Variants in TG observed in about 807,000 individuals in gnomAD.
TG encodes thyroglobulin.
Under a neutral mutation model 324.7 loss-of-function variants are expected in TG, and 270 were observed. The ratio of observed to expected loss-of-function variants is 0.83; its 90% confidence interval spans 0.75 to 0.92. The LOEUF is 0.92. Ranked by LOEUF, TG falls within the 40% of genes least tolerant of loss-of-function variation. The probability of loss-of-function intolerance (pLI) is 0.00; values close to 1 mark genes in which losing one functional copy is unlikely to be tolerated. For synonymous variants in TG, 1,401 were observed against 1,327.0 expected, an observed-to-expected ratio of 1.06 and a Z score of -1.21; for missense variants, 3,591 against 3,456.4, an observed-to-expected ratio of 1.04 and a Z score of -0.98.
In TG at chr8:133,029,922, G is replaced by A. The variant is rs369236885; in HGVS notation, c.7138G>A (p.Val2380Met). Residue 2380 changes from valine (V) to methionine (M), a missense_variant, in exon 41 of 48, where the codon GTG (valine) becomes ATG (methionine). Transcript: ENST00000220616. ...AGGATTTGGCGGGGACCCTCGGCGC[G>A]TGTCCCTGGCAGCAGACCGTGGCGG... ...IRGFGGDPRR[V>M]SLAADRGGAD... is the part of the protein sequence containing the mutation. The A allele has an allele frequency of 5.9e-5, 96 of 1,614,070 alleles. No individual in the cohort carries two copies. Among genetic ancestry groups the A allele is most frequent in the East Asian group, 1.3e-4 (6 of 44,896 alleles).
chr8:132,872,975 C>T, intron 4 of TG, 87 bp from the exon 5 acceptor site: 1 of 1,426,010 alleles, frequency 7.0e-7, no homozygotes, highest in South Asian at 1.2e-5. Context: ...ATCCCCATTG[C>T]TAAGGGACAC....
At chr8:132,945,116 T>G (rs1825049598) in intron 26 of TG, among the ~76,000 whole-genome samples, 1 of 152,200 alleles carries the variant, frequency 6.6e-6, no homozygotes, top group African/African-American at 2.4e-5. Context: ...TGATCAGATT[T>G]GAACTTTGAC....
chr8:133,023,266 C>T (rs1835715907), intron 40 of TG, among the ~76,000 whole-genome samples: 1 of 152,172 alleles, frequency 6.6e-6, no homozygotes, highest in Non-Finnish European at 1.5e-5. Context: ...AGACAAATAA[C>T]AACCAGATGT....
intron 41 of TG, chr8:133,040,157 A>G: frequency 1.3e-6 from 2 of 1,572,048 alleles, no homozygotes; most frequent in Non-Finnish European, 8.6e-7. Flanking sequence ...ACAGCCGGTC[A>G]GGGACCCTGG....
chr8:133,053,053 G>A (rs962569364), intron 41 of TG, among the ~76,000 whole-genome samples: 5 of 152,152 alleles, frequency 3.3e-5, no homozygotes, highest in Admixed American at 3.3e-4. Flanking sequence ...CAACTTGCCA[G>A]GCACCCTGGT....
At chr8:132,961,345 C>A (rs554084076) in intron 28 of TG, among the ~76,000 whole-genome samples, 76 of 152,280 alleles carry the variant, frequency 5.0e-4, no homozygotes, top group African/African-American at 1.7e-3. Context: ...CCACAAGACA[C>A]CCTTGTTCCT....
At position 132,972,725 on chromosome 8, in the gene TG, A is replaced by G. The variant is rs140029414; in HGVS notation, c.6183A>G (p.Gly2061=). The G allele has an allele frequency of 6.7e-5, 108 of 1,614,058 alleles. 1 individual carries two copies. In the African/African-American group the frequency reaches 1.3e-3, roughly 20 times the overall value. The part of the protein sequence containing the change: ...PDIEVHTYPF[G]WYQKPIAQNN... Reference sequence around the variant, plus strand: ...TTGAAGTCCACACCTATCCCTTCGGATGGTACCAGAAGCCCAGTAAGTACC... The same window carrying G: ...TTGAAGTCCACACCTATCCCTTCGGGTGGTACCAGAAGCCCAGTAAGTACC... Residue 2061 remains glycine (G), a synonymous_variant, in exon 34 of 48, where the codon GGA becomes GGG. Coordinates refer to ENST00000220616, the MANE Select transcript of TG (RefSeq NM_003235.5).
Position 133,093,141 on chromosome 8 carries a change from T to TTTCTTTTC in TG, c.7240-1901_7240-1900insCTTTTCTT, listed in dbSNP as rs5895175. ...TGTGTTTTCTTTTCTTTTCTTTTCT[T>TTTCTTTTC]TTTTTTTTTTAATTTAAAGTACATC... On this transcript the variant is annotated intron_variant, in intron 41 of 47. Transcript: ENST00000220616. Among the ~76,000 whole-genome samples, 96 of 116,392 alleles carry TTTCTTTTC rather than the reference T, an allele frequency of 8.2e-4. 1 individual carries two copies. The highest frequency in any genetic ancestry group is 4.2e-3 in the East Asian group (21 of 4,976). The allele number at this position is 116,392 out of a possible 152,430, so 76.4% of individuals were successfully genotyped here. A position where few individuals can be genotyped will look rare whatever the true frequency, so the allele number is the denominator to read the frequency against.
In TG at chr8:133,131,868, A is replaced by G. The variant is rs953351224; in HGVS notation, c.7919A>G (p.Tyr2640Cys). ...TTGGGGCTTCCCTTCTACCCAGCCT[A>G]CGAGGGGCAGTTTTCTCTGGAGGAG... ...FALGLPFYPA[Y>C]EGQFSLEEKS... is the part of the protein sequence containing the mutation. Residue 2640 changes from tyrosine (Y) to cysteine (C), a missense_variant, in exon 46 of 48, where the codon TAC (tyrosine) becomes TGC (cysteine). Transcript: ENST00000220616. 1.2e-6 allele frequency: 2 copies of G among 1,614,148 alleles called. No individual in the cohort carries two copies. Among genetic ancestry groups the G allele is most frequent in the African/African-American group, 1.3e-5 (1 of 75,034 alleles).
chr8:133,118,320 CTTTTTTTTT>C (rs34171048), intron 45 of TG, among the ~76,000 whole-genome samples: 2 of 88,978 alleles, frequency 2.2e-5, no homozygotes, highest in Non-Finnish European at 4.4e-5. Context: ...CAGATTCTTC[CTTTTTTTTT>C]TTTTTTTTTT....
intron 35 of TG, among the ~76,000 whole-genome samples, chr8:132,991,580 A>T (rs1832337286): frequency 6.6e-6 from 1 of 152,158 alleles, no homozygotes; most frequent in Non-Finnish European, 1.5e-5. Context: ...CATGGTGCAT[A>T]CCCTGTCACT....
chr8:133,046,008 G>A (rs921555091), intron 41 of TG, among the ~76,000 whole-genome samples: 1 of 152,152 alleles, frequency 6.6e-6, no homozygotes, highest in African/African-American at 2.4e-5. Flanking sequence ...CTGGGTATCC[G>A]TAAGAACCAC....
intron 40 of TG, among the ~76,000 whole-genome samples, chr8:133,022,758 G>A (rs1047256666): frequency 1.6e-4 from 25 of 152,102 alleles, no homozygotes; most frequent in African/African-American, 5.6e-4. Flanking sequence ...CTCCATCCAC[G>A]TCTTTTCCTC....
At chr8:132,992,606 C>T (rs1420833456) in intron 35 of TG, among the ~76,000 whole-genome samples, 1 of 152,196 alleles carries the variant, frequency 6.6e-6, no homozygotes, top group Non-Finnish European at 1.5e-5. Flanking sequence ...TATATAGACA[C>T]TGTGGAGGGT....
At chr8:133,017,563 A>C in intron 37 of TG, 1 of 601,740 alleles carries the variant, frequency 1.7e-6, no homozygotes, top group South Asian at 1.9e-5. Context: ...TTTGGTGCCT[A>C]ATAAAGATCA....
rs16904809 is a variant in TG at position 133,045,822 on chromosome 8, G to A, written c.7239+15799G>A. Among the ~76,000 whole-genome samples, 1,479 of 151,186 alleles carry A rather than the reference G, an allele frequency of 9.8e-3. 31 individuals carry two copies. Among genetic ancestry groups the A allele is most frequent in the African/African-American group, 0.034 (1,411 of 41,274 alleles). Reference sequence around the variant, plus strand: ...CATGGTCGTTTTTGGACTCCTTCCCGAGTACTCTCCAAGATGTGATCCCTA... The same window carrying A: ...CATGGTCGTTTTTGGACTCCTTCCCAAGTACTCTCCAAGATGTGATCCCTA... On this transcript the variant is annotated intron_variant, in intron 41 of 47. Coordinates refer to ENST00000220616, the MANE Select transcript of TG (RefSeq NM_003235.5).
intron 41 of TG, chr8:133,040,068 G>A (rs1273429962): frequency 6.4e-7 from 1 of 1,556,404 alleles, no homozygotes; most frequent in African/African-American, 1.4e-5. Context: ...CTCACTGCTG[G>A]GGCAGCCGTG....
intron 10 of TG, among the ~76,000 whole-genome samples, chr8:132,889,792 T>C (rs1032592119): frequency 6.6e-6 from 1 of 152,230 alleles, no homozygotes; most frequent in African/African-American, 2.4e-5. Flanking sequence ...TTATTTTATT[T>C]TGAGACTGAG....
intron 35 of TG, among the ~76,000 whole-genome samples, chr8:132,991,933 T>C (rs1452870210): frequency 6.6e-6 from 1 of 152,024 alleles, no homozygotes; most frequent in Non-Finnish European, 1.5e-5. Context: ...GCTGCAATGA[T>C]AGTAGGTCTT....
Sources: allele counts gnomAD v4.1 joint callset (sites outside exome capture counted in the v4.1 genomes callset), GRCh38; gene constraint gnomAD v4.1.1; transcripts MANE v1.5; gene names NCBI Gene and HGNC (gene_info 2026-07-23, HGNC 2026-07-21).